PLAGL2: variants seen among roughly 807,000 people sequenced by gnomAD.
The protein encoded by PLAGL2 is zinc finger protein PLAGL2.
PLAGL2 carries 7 observed loss-of-function variants against 29.0 expected under a neutral mutation model. The observed-to-expected ratio is 0.24, with a 90% CI of 0.14 to 0.45. The LOEUF (loss-of-function observed/expected upper bound fraction) is 0.45. Ranked by LOEUF, PLAGL2 falls within the 20% of genes least tolerant of loss-of-function variation. The probability of loss-of-function intolerance (pLI) is 0.99; values close to 1 mark genes in which losing one functional copy is unlikely to be tolerated. For missense variants in PLAGL2, 454 were observed against 648.2 expected, an observed-to-expected ratio of 0.70 and a Z score of 3.25; for synonymous variants, 234 against 266.0, an observed-to-expected ratio of 0.88 and a Z score of 1.17.
At position 32,194,249 on chromosome 20, in the gene PLAGL2, A is replaced by T. The variant is rs1569136181; in HGVS notation, c.*2203T>A. On this transcript the variant is annotated 3_prime_UTR_variant, in exon 3 of 3. Transcript: ENST00000246229. ...GAAGGGTTGCTGAGTCTAGTGATGA[A>T]AACCAGATACAACAAAGAGGATGGC... 2.6e-5 allele frequency: 4 copies of T among 151,908 alleles called. No individual in the cohort carries two copies. The highest frequency in any genetic ancestry group is 6.6e-5 in the Admixed American group (1 of 15,258). 9.4% of individuals were successfully genotyped at this position (151,908 alleles called of 1,614,324 possible).
chr20:32,194,894 C>T lies in PLAGL2; in HGVS notation c.*1558G>A, dbSNP rs2047219716. 1 of 152,638 alleles carries T rather than the reference C, an allele frequency of 6.6e-6. No homozygotes were observed. 9.5% of individuals were successfully genotyped at this position (152,638 alleles called of 1,614,324 possible). ...ACAGTGGAGGTCCCTGAGCTACCTC[C>T]CTTCCGTGAGTGGGAAGAGTGAAGC... is the stretch of plus-strand genomic sequence containing the variant. On this transcript the variant is annotated 3_prime_UTR_variant, in exon 3 of 3. Transcript: ENST00000246229.
intron 1 of PLAGL2, among the ~76,000 whole-genome samples, chr20:32,206,141 A>G (rs955121128): frequency 6.6e-6 from 1 of 152,116 alleles, no homozygotes; most frequent in Non-Finnish European, 1.5e-5. Flanking sequence ...GAAAAAACAA[A>G]ACAAAACAAA....
At chr20:32,200,926 C>T (rs190445372) in intron 2 of PLAGL2, among the ~76,000 whole-genome samples, 2 of 152,304 alleles carry the variant, frequency 1.3e-5, no homozygotes, top group East Asian at 3.9e-4. Flanking sequence ...TCCCCATCCT[C>T]ACCAAAGCAA....
At position 32,197,670 on chromosome 20, in the gene PLAGL2, G is replaced by T. The variant is rs920766881; in HGVS notation, c.273C>A (p.Thr91=). 1 of 1,613,252 alleles carries T rather than the reference G, an allele frequency of 6.2e-7. No individual in the cohort carries two copies. The highest frequency in any genetic ancestry group is 1.3e-5 in the African/African-American group (1 of 74,904). Residue 91 remains threonine (T), a synonymous_variant, in exon 3 of 3, where the codon ACC becomes ACA. Coordinates refer to ENST00000246229, the MANE Select transcript of PLAGL2 (RefSeq NM_002657.3). The surrounding 1 kb of genome is among the most constrained non-coding windows in gnomAD (Gnocchi z 6.6). The part of the protein sequence containing the change: ...SKYKLYRHMA[T]HSAQKPHQCM... Reference sequence around the variant, plus strand: ...ACTGGTGGGGTTTCTGGGCTGAGTGGGTGGCCATGTGCCTGGGGGTAGAGA... The same window carrying T: ...ACTGGTGGGGTTTCTGGGCTGAGTGTGTGGCCATGTGCCTGGGGGTAGAGA...
chr20:32,207,479 C>T (rs1429640725), intron 1 of PLAGL2, among the ~76,000 whole-genome samples, 162 bp downstream of exon 1: 1 of 152,132 alleles, frequency 6.6e-6, no homozygotes, highest in Non-Finnish European at 1.5e-5. Context: ...CTATCTGGGG[C>T]CGGGTTGGCG....
At chr20:32,198,729 C>T (rs1468453052) in intron 2 of PLAGL2, among the ~76,000 whole-genome samples, 2 of 152,150 alleles carry the variant, frequency 1.3e-5, no homozygotes, top group African/African-American at 2.4e-5. Flanking sequence ...ACATGTGATA[C>T]AATCTGTTTT....
intron 2 of PLAGL2, among the ~76,000 whole-genome samples, chr20:32,199,486 TCCTGAC>T (rs903451783): frequency 1.3e-5 from 2 of 152,218 alleles, no homozygotes; most frequent in Non-Finnish European, 2.9e-5. Context: ...GGCTCCTGCC[TCCTGAC>T]CCAGGACCTT....
At chr20:32,201,673 G>A (rs1340489463) in intron 2 of PLAGL2, among the ~76,000 whole-genome samples, 2 of 152,252 alleles carry the variant, frequency 1.3e-5, no homozygotes, top group Non-Finnish European at 2.9e-5. Flanking sequence ...AAGGCCAGGT[G>A]CAGTGGCTCA....
chr20:32,204,196 AATC>A (rs2047274208), intron 1 of PLAGL2, among the ~76,000 whole-genome samples: 1 of 152,200 alleles, frequency 6.6e-6, no homozygotes, highest in African/African-American at 2.4e-5. Context: ...TTCAATTTGA[AATC>A]ATGCACCTCA....
rs1475802159 is a variant in PLAGL2, at chr20:32,193,497, C to T, written c.*2955G>A. On this transcript the variant is annotated 3_prime_UTR_variant, in exon 3 of 3. Transcript: ENST00000246229. ...GAGCTGACACCTGGGCATGTCATCCCCTTACCCCCAGGACTGTACTCAGCC... is the reference window on the plus strand; with the variant it reads ...GAGCTGACACCTGGGCATGTCATCCTCTTACCCCCAGGACTGTACTCAGCC... 1 of 152,192 alleles carries T rather than the reference C, an allele frequency of 6.6e-6. No homozygotes were observed. Among genetic ancestry groups the T allele is most frequent in the Non-Finnish European group, 1.5e-5 (1 of 68,066 alleles). 9.4% of individuals were successfully genotyped at this position (152,192 alleles called of 1,614,324 possible). A position where few individuals can be genotyped will look rare whatever the true frequency, so the allele number is the denominator to read the frequency against.
Position 32,193,706 on chromosome 20 carries a change from G to A in PLAGL2, c.*2746C>T, listed in dbSNP as rs1475189975. ...GGCCTCAGTAAGCATACTGAAGTGA[G>A]TTCGGGTACTGAGTGCAGGATAAAG... On this transcript the variant is annotated 3_prime_UTR_variant, in exon 3 of 3. Transcript: ENST00000246229. 5 of 152,282 alleles carry A rather than the reference G, an allele frequency of 3.3e-5. No homozygotes were observed. Among genetic ancestry groups the A allele is most frequent in the Non-Finnish European group, 5.9e-5 (4 of 68,090 alleles). 9.4% of individuals were successfully genotyped at this position (152,282 alleles called of 1,614,324 possible). A position where few individuals can be genotyped will look rare whatever the true frequency, so the allele number is the denominator to read the frequency against.
At chr20:32,199,987 T>C (rs1474307647) in intron 2 of PLAGL2, among the ~76,000 whole-genome samples, 1 of 152,164 alleles carries the variant, frequency 6.6e-6, no homozygotes, top group Non-Finnish European at 1.5e-5. Flanking sequence ...CTGTTGCCTA[T>C]TTTAGTCCCT....
In PLAGL2 at chr20:32,195,716, CCA is replaced by C. The variant is rs1447726377; in HGVS notation, c.*734_*735del. ...CCGACTCCACCTTGTAAACAGGACTCCAGTTAACACCAGGTACCAAATGGTTC... is the reference window on the plus strand; with the variant it reads ...CCGACTCCACCTTGTAAACAGGACTCGTTAACACCAGGTACCAAATGGTTC... On this transcript the variant is annotated 3_prime_UTR_variant, in exon 3 of 3. Coordinates refer to ENST00000246229, the MANE Select transcript of PLAGL2 (RefSeq NM_002657.3). 6.5e-6 allele frequency: 1 copy of C among 152,686 alleles called. No individual in the cohort carries two copies. Among genetic ancestry groups the C allele is most frequent in the Non-Finnish European group, 1.5e-5 (1 of 68,076 alleles). 9.5% of individuals were successfully genotyped at this position (152,686 alleles called of 1,614,324 possible). A position where few individuals can be genotyped will look rare whatever the true frequency, so the allele number is the denominator to read the frequency against.
chr20:32,197,974 A>G lies in PLAGL2; in HGVS notation c.261-292T>C, dbSNP rs981680970. ...TTACATAAATTATGATAAGTCCATA[A>G]AATGACTCAACTTTTCAAAAATGAG... is the stretch of plus-strand genomic sequence containing the variant. On this transcript the variant is annotated intron_variant, in intron 2 of 2. Transcript: ENST00000246229. This position sits in a 1 kb window ranked among gnomAD's most constrained non-coding sequence, Gnocchi z 6.6. 3.3e-5 allele frequency among the ~76,000 whole-genome samples: 5 copies of G among 152,250 alleles called. No homozygotes were observed. Among genetic ancestry groups the G allele is most frequent in the African/African-American group, 7.2e-5 (3 of 41,462 alleles).
At chr20:32,200,448 G>C (rs1428938241) in intron 2 of PLAGL2, among the ~76,000 whole-genome samples, 1 of 151,802 alleles carries the variant, frequency 6.6e-6, no homozygotes, top group African/African-American at 2.4e-5. Context: ...CCGTGGTCTC[G>C]ATCTCCTGAC....
At position 32,202,146 on chromosome 20, in the gene PLAGL2, C is replaced by G. The variant is rs933188346; in HGVS notation, c.33G>C (p.Trp11Cys). 2 of 1,614,060 alleles carry G rather than the reference C, an allele frequency of 1.2e-6. No individual in the cohort carries two copies. Among genetic ancestry groups the G allele is most frequent in the Non-Finnish European group, 1.7e-6 (2 of 1,180,038 alleles). MTTFFTSVPP[W>C]IQDAKQEEEV... The stretch of plus-strand genomic sequence containing the variant: ...CCTCCTCCTGCTTTGCATCTTGAAT[C>G]CAGGGGGGGACGCTGGTGAAAAATG... The change falls in exon 2 of 3, where the codon TGG becomes TGC. Residue 11 changes from tryptophan (W) to cysteine (C), a missense_variant. Physicochemically the swap from Trp to Cys is radical, Grantham distance 215. Coordinates refer to ENST00000246229, the MANE Select transcript of PLAGL2 (RefSeq NM_002657.3).
chr20:32,197,727 A>C lies in PLAGL2; in HGVS notation c.261-45T>G. 1 of 1,541,802 alleles carries C rather than the reference A, an allele frequency of 6.5e-7. No individual in the cohort carries two copies. Among genetic ancestry groups the C allele is most frequent in the East Asian group, 2.3e-5 (1 of 44,372 alleles). On this transcript the variant is annotated intron_variant, in intron 2 of 2. Transcript: ENST00000246229. The surrounding 1 kb of genome is among the most constrained non-coding windows in gnomAD (Gnocchi z 6.6). ...ATAGGGGAGAAAGCAGAAAGAGGGG[A>C]GATCACAAGGGATGACTGGACAACC...
chr20:32,206,569 G>C (rs1287398601), intron 1 of PLAGL2, among the ~76,000 whole-genome samples: 1 of 152,182 alleles, frequency 6.6e-6, no homozygotes, highest in East Asian at 1.9e-4. Context: ...CTCACCTTAG[G>C]AGAGAAAGGT....
chr20:32,203,155 C>A (rs2047268323), intron 1 of PLAGL2, among the ~76,000 whole-genome samples: 1 of 152,238 alleles, frequency 6.6e-6, no homozygotes, highest in Non-Finnish European at 1.5e-5. Context: ...GGGCTTGCAT[C>A]ATCTCTCTTT....
Sources: gnomAD v4.1 joint callset for allele counts (sites outside exome capture counted in the v4.1 genomes callset) on GRCh38, gnomAD v4.1.1 for gene constraint, Gnocchi (gnomAD v3.1) non-coding constraint, MANE v1.5 for transcripts, NCBI Gene and HGNC (gene_info 2026-07-23, HGNC 2026-07-21) for gene names.